The following DBN1 variants were observed in gnomAD, a reference collection of about 807,000 sequenced individuals.
The protein encoded by DBN1 is drebrin 1.
A neutral mutation model predicts 83.5 loss-of-function variants in DBN1; 21 were observed. The observed-to-expected ratio is 0.25, with a 90% CI of 0.18 to 0.36. The LOEUF (loss-of-function observed/expected upper bound fraction) is 0.36. Among genes scored for constraint, DBN1 ranks in the 10% least tolerant of loss-of-function variants. DBN1 has a pLI of 1.00. For missense variants in DBN1, 874 were observed against 935.7 expected (o/e 0.93, Z 0.86); for synonymous variants, 381 against 384.9 (o/e 0.99, Z 0.12).
chr5:177,472,520 C>T, intron 1 of DBN1: 1 of 805,392 alleles, frequency 1.2e-6, no homozygotes, highest in Non-Finnish European at 1.7e-6. Flanking sequence ...ATCCCCTCCC[C>T]CAGCTCAGCG....
intron 12 of DBN1, 48 bp downstream of exon 12, chr5:177,459,050 C>G: frequency 6.4e-7 from 1 of 1,554,214 alleles, no homozygotes; most frequent in Admixed American, 2.0e-5. Flanking sequence ...GGCTCCCAGC[C>G]AGGGACTGAT....
Position 177,467,136 on chromosome 5 carries a change from A to G in DBN1, c.556-74T>C, listed in dbSNP as rs992820610. 6.2e-6 allele frequency: 10 copies of G among 1,605,646 alleles called. No homozygotes were observed. In the African/African-American group the frequency reaches 1.1e-4, roughly 17 times the overall value. On this transcript the variant is annotated intron_variant, in intron 6 of 14. Transcript: ENST00000393565. The surrounding 1 kb of genome is among the most constrained non-coding windows in gnomAD (Gnocchi z 9.1). Reference sequence around the variant, plus strand: ...GACCCTGCCCCTCCAGCCCCTCCCTAACCCAGCGCTGGGGGCGGGGCACGT... The same window carrying G: ...GACCCTGCCCCTCCAGCCCCTCCCTGACCCAGCGCTGGGGGCGGGGCACGT...
chr5:177,472,511 T>TC (rs781375407), intron 1 of DBN1: 2 of 858,726 alleles, frequency 2.3e-6, no homozygotes, highest in Non-Finnish European at 3.1e-6. Flanking sequence ...AGGTGGTCCA[T>TC]CCCCTCCCCC....
At chr5:177,461,094 C>CTTTTTTTTTTT (rs1212164434) in intron 8 of DBN1, among the ~76,000 whole-genome samples, 1 of 90,692 alleles carries the variant, frequency 1.1e-5, no homozygotes, top group African/African-American at 4.5e-5. Context: ...TTCTGGCCTT[C>CTTTTTTTTTTT]TTTTTTTTTT....
In DBN1 at chr5:177,458,717, C is replaced by A. The variant is rs775925781; in HGVS notation, c.1265-10G>T. On this transcript the variant is annotated splice_polypyrimidine_tract_variant and intron_variant, in intron 12 of 14. Transcript: ENST00000393565. The stretch of plus-strand genomic sequence containing the variant: ...CTGGGCTCCTGGGTCTCTGTCACAG[C>A]ACAGGCAGAGGAGATATGTAACCGG... The A allele has an allele frequency of 1.7e-4, 257 of 1,506,222 alleles. No individual in the cohort carries two copies. Among genetic ancestry groups the A allele is most frequent in the Non-Finnish European group, 2.1e-4 (240 of 1,135,186 alleles). 93.3% of individuals were successfully genotyped at this position (1,506,222 alleles called of 1,614,324 possible).
At position 177,467,033 on chromosome 5, in the gene DBN1, C is replaced by T. The variant is rs1757494436; in HGVS notation, c.585G>A (p.Glu195=). Residue 195 remains glutamate, a synonymous_variant, in exon 7 of 15, where the codon GAG becomes GAA. Transcript: ENST00000393565. The surrounding 1 kb of genome is among the most constrained non-coding windows in gnomAD (Gnocchi z 9.1). The stretch of plus-strand genomic sequence containing the variant: ...GCCTCTCATCCAGGGCCTTCTTCCG[C>T]TCCTCCTCCTTCCGCAGCTCTTCTT... ...KKEEELRKEE[E]RKKALDERLR... is the part of the protein sequence containing the mutation. 6.2e-7 allele frequency: 1 copy of T among 1,613,950 alleles called. No individual in the cohort carries two copies. The highest frequency in any genetic ancestry group is 8.5e-7 in the Non-Finnish European group (1 of 1,179,954).
chr5:177,466,621 G>A lies in DBN1; in HGVS notation c.771+151C>T. ...AGAGCCCCACGTGATGAGGTGCCAG[G>A]CCTCATGCTCCATGGCACCCTGTGC... On this transcript the variant is annotated intron_variant, in intron 8 of 14. Coordinates refer to ENST00000393565, the MANE Select transcript of DBN1 (RefSeq NM_001363541.2). This position sits in a 1 kb window ranked among gnomAD's most constrained non-coding sequence, Gnocchi z 4.8. 2.4e-6 allele frequency: 2 copies of A among 848,310 alleles called. No individual in the cohort carries two copies. The highest frequency in any genetic ancestry group is 3.9e-6 in the Non-Finnish European group (2 of 506,526). The allele number at this position is 848,310 out of a possible 1,614,324, so 52.5% of individuals were successfully genotyped here. A position where few individuals can be genotyped will look rare whatever the true frequency, so the allele number is the denominator to read the frequency against.
At chr5:177,472,548 G>A (rs1757927356) in intron 1 of DBN1, among the ~76,000 whole-genome samples, 2 of 152,144 alleles carry the variant, frequency 1.3e-5, no homozygotes, top group African/African-American at 2.4e-5. Flanking sequence ...ACAGCTGGGG[G>A]GCGGGGTGAG....
chr5:177,458,454 A>AGCAGTG lies in DBN1; in HGVS notation c.1512_1517dup (p.Thr505_Ala506dup), dbSNP rs767135011. On this transcript the variant is annotated inframe_insertion, in exon 13 of 15. Transcript: ENST00000393565. ...GTACGTTGTTGGCAACAGTGGTGTCAGCAGTGGCAGTGTCAGTTTCAATGG... is the reference window on the plus strand; with the variant it reads ...GTACGTTGTTGGCAACAGTGGTGTCAGCAGTGGCAGTGGCAGTGTCAGTTTCAATGG... 7 of 1,614,186 alleles carry AGCAGTG rather than the reference A, an allele frequency of 4.3e-6. No individual in the cohort carries two copies. The East Asian group carries it at 1.1e-4, about 26-fold the overall frequency.
At chr5:177,457,528 G>A (rs375456071) in intron 14 of DBN1, 25 bp from the exon 15 acceptor site, 15 of 1,609,838 alleles carry the variant, frequency 9.3e-6, no homozygotes, top group South Asian at 8.8e-5. Context: ...AGGGAGAGGA[G>A]TTAGGGACCT....
intron 1 of DBN1, among the ~76,000 whole-genome samples, chr5:177,469,167 C>T (rs586135): frequency 6.6e-6 from 1 of 152,168 alleles, no homozygotes; most frequent in Non-Finnish European, 1.5e-5. Context: ...GGCCCTGGCC[C>T]TGGCAGCCTA....
At chr5:177,457,906 C>A (rs2127392086) in intron 13 of DBN1, 149 bp from the exon 14 acceptor site, 1 of 803,000 alleles carries the variant, frequency 1.2e-6, no homozygotes, top group East Asian at 6.2e-5. Flanking sequence ...AAAGCAGAGC[C>A]GGCCCAGGGA....
chr5:177,458,563 A>G lies in DBN1; in HGVS notation c.1409T>C (p.Met470Thr). ...PGSPAEDLMF[M>T]ESAEQAVLAA... ...CAGGACAGCCTGCTCTGCAGACTCC[A>G]TGAACATCAAGTCCTCTGCAGGGCT... Residue 470 changes from methionine (M) to threonine (T), a missense_variant, in exon 13 of 15, where the codon ATG becomes ACG. Around this residue, in one of 4 missense-constraint regions of DBN1, gnomAD observed 725 missense variants for 719.7 expected, o/e 1.01. Coordinates refer to ENST00000393565, the MANE Select transcript of DBN1 (RefSeq NM_001363541.2). 6.2e-7 allele frequency: 1 copy of G among 1,614,118 alleles called. No individual in the cohort carries two copies. The highest frequency in any genetic ancestry group is 1.1e-5 in the South Asian group (1 of 91,090).
chr5:177,473,330 G>A lies in DBN1; in HGVS notation c.86+106C>T, dbSNP rs1581742200. The A allele has an allele frequency of 8.2e-6, 5 of 610,660 alleles. No individual in the cohort carries two copies. In the East Asian group the frequency reaches 1.8e-4, roughly 22 times the overall value. The allele number at this position is 610,660 out of a possible 1,614,324, so 37.8% of individuals were successfully genotyped here. On this transcript the variant is annotated intron_variant, in intron 1 of 14. Coordinates refer to ENST00000393565, the MANE Select transcript of DBN1 (RefSeq NM_001363541.2). ...CCCTCCCGGCCCGCTGCACCATTTC[G>A]GGGTCCCCCTCCCTTCCCGGCGGCG...
In DBN1 at chr5:177,459,192, G is replaced by A; in HGVS notation, c.1170C>T (p.Ala390=). Residue 390 remains alanine, a synonymous_variant, in exon 12 of 15, where the codon GCC becomes GCT. Transcript: ENST00000393565. Reference sequence around the variant, plus strand: ...CTATCTGCTCAGCGACAGGGGTGGAGGCGGTGCTGGAGTCAGACGGGCTCC... The same window carrying A: ...CTATCTGCTCAGCGACAGGGGTGGAAGCGGTGCTGGAGTCAGACGGGCTCC... ...PTRSPSDSST[A]STPVAEQIER... is the part of the protein sequence containing the mutation. 4 of 1,611,580 alleles carry A rather than the reference G, an allele frequency of 2.5e-6. No individual in the cohort carries two copies. The highest frequency in any genetic ancestry group is 3.4e-6 in the Non-Finnish European group (4 of 1,179,098).
rs755501721 is a variant in DBN1, at chr5:177,468,911, G to T, written c.87-12C>A. On this transcript the variant is annotated splice_polypyrimidine_tract_variant and intron_variant, in intron 1 of 14. Coordinates refer to ENST00000393565, the MANE Select transcript of DBN1 (RefSeq NM_001363541.2). ...ATGTGTACAGAGCCCTGGGGAGAGGGAGGGGTGGCTGTCAAACTGTCAGGG... is the reference window on the plus strand; with the variant it reads ...ATGTGTACAGAGCCCTGGGGAGAGGTAGGGGTGGCTGTCAAACTGTCAGGG... 7.6e-7 allele frequency: 1 copy of T among 1,313,226 alleles called. No homozygotes were observed. The allele number at this position is 1,313,226 out of a possible 1,614,324, so 81.3% of individuals were successfully genotyped here.
chr5:177,471,031 T>C (rs1178947125), intron 1 of DBN1, among the ~76,000 whole-genome samples: 1 of 152,176 alleles, frequency 6.6e-6, no homozygotes, highest in Non-Finnish European at 1.5e-5. Flanking sequence ...GCACACCGCA[T>C]ACCAGAAGTA....
chr5:177,468,142 T>G lies in DBN1; in HGVS notation c.221A>C (p.Gln74Pro). The change falls in exon 3 of 15, where the codon CAA becomes CCA. Residue 74 changes from glutamine to proline, a missense_variant. This residue lies in a region of DBN1 where 82 missense variants were observed against 101.7 expected (regional missense o/e 0.81). Coordinates refer to ENST00000393565, the MANE Select transcript of DBN1 (RefSeq NM_001363541.2). ...MYGFCSVKDS[Q>P]AALPKYVLIN... ...GAGCACGTATTTTGGCAGAGCAGCTTGGGAGTCCTTGACACTGCAGAAGCC... is the reference window on the plus strand; with the variant it reads ...GAGCACGTATTTTGGCAGAGCAGCTGGGGAGTCCTTGACACTGCAGAAGCC... 1.9e-6 allele frequency: 3 copies of G among 1,614,040 alleles called. No homozygotes were observed. The highest frequency in any genetic ancestry group is 2.5e-6 in the Non-Finnish European group (3 of 1,180,014).
chr5:177,472,737 G>T (rs1484004372), intron 1 of DBN1: 2 of 966,934 alleles, frequency 2.1e-6, no homozygotes, highest in Non-Finnish European at 2.5e-6. Context: ...CAGCTGCCTA[G>T]TCCCCGCAGT....
Sources: gnomAD v4.1 joint callset for allele counts (sites outside exome capture counted in the v4.1 genomes callset) on GRCh38, gnomAD v4.1.1 for gene constraint, gnomAD v4.1.1 regional missense constraint, Gnocchi (gnomAD v3.1) non-coding constraint, MANE v1.5 for transcripts, NCBI Gene and HGNC (gene_info 2026-07-23, HGNC 2026-07-21) for gene names.